The following FLT1 variants were observed in gnomAD, a reference collection of about 807,000 sequenced individuals.
FLT1 encodes vascular endothelial growth factor receptor 1.
FLT1 carries 49 observed loss-of-function variants against 156.3 expected under a neutral mutation model. That is an observed-to-expected ratio of 0.31 (90% CI 0.25 to 0.40). FLT1 has a LOEUF of 0.40. Ranked by LOEUF, FLT1 falls within the 10% of genes least tolerant of loss-of-function variation. FLT1 has a pLI of 1.00. For missense variants in FLT1, 1,322 were observed against 1,637.2 expected (o/e 0.81, Z 3.32); for synonymous variants, 594 against 583.8 (o/e 1.02, Z -0.25).
intron 1 of FLT1, among the ~76,000 whole-genome samples, chr13:28,491,849 A>G (rs555048914): frequency 6.6e-6 from 1 of 152,370 alleles, no homozygotes; most frequent in African/African-American, 2.4e-5. Context: ...ATACGAAAAC[A>G]AAGTACCCAC....
intron 3 of FLT1, among the ~76,000 whole-genome samples, chr13:28,450,981 A>G (rs752857964): frequency 6.6e-6 from 1 of 152,208 alleles, no homozygotes; most frequent in Non-Finnish European, 1.5e-5. Flanking sequence ...CAGGGGTAGC[A>G]TGGGGCCTTC....
intron 13 of FLT1, chr13:28,387,398 G>A (rs368717928): frequency 2.5e-5 from 26 of 1,054,064 alleles, no homozygotes; most frequent in Middle Eastern, 4.3e-4. Context: ...AGGGAGGTGC[G>A]TTGAACCCAT....
At chr13:28,423,700 A>G (rs1877148304) in intron 10 of FLT1, among the ~76,000 whole-genome samples, 1 of 152,150 alleles carries the variant, frequency 6.6e-6, no homozygotes, top group African/African-American at 2.4e-5. Flanking sequence ...CATTATCTTT[A>G]CTTTATATGA....
chr13:28,368,711 T>A (rs1229843212), intron 14 of FLT1: 1 of 767,092 alleles, frequency 1.3e-6, no homozygotes, highest in African/African-American at 1.8e-5. Flanking sequence ...AGCTTTTTTT[T>A]TTTTTTTTTT....
chr13:28,412,350 C>CTTTCTTTTCTTTCTTTCTTTTTCTTTCTT (rs71086853), intron 10 of FLT1, among the ~76,000 whole-genome samples: 3 of 93,802 alleles, frequency 3.2e-5, no homozygotes, highest in South Asian at 4.2e-4. Context: ...TTCTTTCTTT[C>CTTTCTTTTCTTTCTTTCTTTTTCTTTCTT]TCTTTCTTTC....
intron 11 of FLT1, chr13:28,399,094 T>G: frequency 6.4e-7 from 1 of 1,551,054 alleles, no homozygotes; most frequent in South Asian, 1.2e-5. Flanking sequence ...GGTGGCAACA[T>G]GAAAGAACTG....
intron 17 of FLT1, among the ~76,000 whole-genome samples, chr13:28,337,677 G>A (rs937595748): frequency 2.6e-5 from 4 of 152,184 alleles, no homozygotes; most frequent in African/African-American, 7.2e-5. Flanking sequence ...CTTCAACAAG[G>A]AGACTCTCCT....
At chr13:28,492,873 T>G (rs1156598554) in intron 1 of FLT1, among the ~76,000 whole-genome samples, 1 of 151,968 alleles carries the variant, frequency 6.6e-6, no homozygotes, top group Non-Finnish European at 1.5e-5. Context: ...ACTAACAGAG[T>G]GTTCTGTTAA....
chr13:28,425,791 T>C (rs184254151), intron 10 of FLT1, among the ~76,000 whole-genome samples: 1 of 152,288 alleles, frequency 6.6e-6, no homozygotes, highest in African/African-American at 2.4e-5. Flanking sequence ...AACGGATGGG[T>C]CGATAAATAT....
chr13:28,424,072 G>A (rs1024867539), intron 10 of FLT1, among the ~76,000 whole-genome samples: 1 of 151,708 alleles, frequency 6.6e-6, no homozygotes, highest in Non-Finnish European at 1.5e-5. Flanking sequence ...CTGAGCAGCT[G>A]GAATTATAGG....
intron 10 of FLT1, among the ~76,000 whole-genome samples, chr13:28,414,230 T>G (rs1876510453): frequency 6.6e-6 from 1 of 152,166 alleles, no homozygotes; most frequent in African/African-American, 2.4e-5. Flanking sequence ...ATTTTGCAAA[T>G]GTTTGTTTCA....
intron 10 of FLT1, among the ~76,000 whole-genome samples, chr13:28,412,373 T>TTTCTTTCTTTCTTTCTTTCC (rs1593762225): frequency 7.9e-6 from 1 of 126,270 alleles, no homozygotes; most frequent in Non-Finnish European, 1.7e-5. Context: ...TCTTTCTTTC[T>TTTCTTTCTTTCTTTCTTTCC]TTCTTTCTTT....
intron 10 of FLT1, among the ~76,000 whole-genome samples, chr13:28,415,122 C>T (rs568554418): frequency 6.6e-6 from 1 of 152,208 alleles, no homozygotes. Context: ...AGGAAACTGA[C>T]TGGCAATGGC....
chr13:28,321,506 G>A lies in FLT1; in HGVS notation c.3131C>T (p.Ala1044Val), dbSNP rs2138830082. The change falls in exon 23 of 30, where the codon GCC becomes GTC. Residue 1044 changes from alanine to valine, a missense_variant. By Grantham distance (64) the Ala-to-Val change is moderately conservative. Around this residue, in one of 3 missense-constraint regions of FLT1, gnomAD observed 329 missense variants for 366.2 expected, o/e 0.90. Transcript: ENST00000282397. ...ATCGGGGTTCTTATAAATATCCCGGGCAAGGCCAAAATCACAAATCTTCAC... is the reference window on the plus strand; with the variant it reads ...ATCGGGGTTCTTATAAATATCCCGGACAAGGCCAAAATCACAAATCTTCAC... ...NVVKICDFGL[A>V]RDIYKNPDYV... 6.2e-7 allele frequency: 1 copy of A among 1,614,052 alleles called. No individual in the cohort carries two copies. Among genetic ancestry groups the A allele is most frequent in the Non-Finnish European group, 8.5e-7 (1 of 1,179,950 alleles).
At chr13:28,378,112 G>A (rs1041143763) in intron 14 of FLT1, among the ~76,000 whole-genome samples, 3 of 148,792 alleles carry the variant, frequency 2.0e-5, no homozygotes, top group Non-Finnish European at 4.4e-5. Flanking sequence ...GCAGTGGCGT[G>A]ATCTCGGCTC....
chr13:28,325,031 CT>C (rs1402843858), intron 20 of FLT1, among the ~76,000 whole-genome samples: 13 of 152,190 alleles, frequency 8.5e-5, no homozygotes, highest in African/African-American at 3.1e-4. Context: ...TCAATTTAGC[CT>C]TTTGGTTTTG....
At chr13:28,401,553 C>T (rs1274682129) in intron 11 of FLT1, among the ~76,000 whole-genome samples, 3 of 152,156 alleles carry the variant, frequency 2.0e-5, no homozygotes, top group Non-Finnish European at 2.9e-5. Flanking sequence ...TTCCAGCACT[C>T]GTTTTTTAAA....
Position 28,424,258 on chromosome 13 carries a change from T to TA in FLT1, c.1436+2900dup, listed in dbSNP as rs932595402. Among the ~76,000 whole-genome samples the TA allele has an allele frequency of 6.8e-3, 1,012 of 148,958 alleles. 16 individuals carry two copies. The highest frequency in any genetic ancestry group is 0.023 in the African/African-American group (937 of 40,644). ...CTGGCCCCACTTTCCTTTTTTTAAT[T>TA]AAAAAAAAAACTAAAAAGGGAAAGA... On this transcript the variant is annotated intron_variant, in intron 10 of 29. Transcript: ENST00000282397.
chr13:28,340,652 ACTT>A (rs771420657), intron 16 of FLT1, among the ~76,000 whole-genome samples: 2 of 152,156 alleles, frequency 1.3e-5, no homozygotes, highest in East Asian at 3.9e-4. Flanking sequence ...GGAGAAGACA[ACTT>A]CTCCATACAC....
Sources: gnomAD v4.1 joint callset for allele counts (sites outside exome capture counted in the v4.1 genomes callset) on GRCh38, gnomAD v4.1.1 for gene constraint, gnomAD v4.1.1 regional missense constraint, MANE v1.5 for transcripts, NCBI Gene and HGNC (gene_info 2026-07-23, HGNC 2026-07-21) for gene names.